Variants in LNX1 observed in about 807,000 individuals in gnomAD.
LNX1 encodes E3 ubiquitin-protein ligase LNX.
LNX1 carries 54 observed loss-of-function variants against 68.4 expected under a neutral mutation model. The observed-to-expected ratio is 0.79, with a 90% CI of 0.63 to 0.99. The LOEUF is 0.99. Ranked by LOEUF, LNX1 falls within the 50% of genes least tolerant of loss-of-function variation. The pLI, the probability that LNX1 is intolerant of heterozygous loss-of-function variation, is 0.00. For missense variants in LNX1, 906 were observed against 926.4 expected, an observed-to-expected ratio of 0.98 and a Z score of 0.29; for synonymous variants, 336 against 350.0, an observed-to-expected ratio of 0.96 and a Z score of 0.45.
At chr4:53,588,311 A>G (rs1234968176) in intron 1 of LNX1, among the ~76,000 whole-genome samples, 1 of 152,198 alleles carries the variant, frequency 6.6e-6, no homozygotes, top group Non-Finnish European at 1.5e-5. Flanking sequence ...CTTCCTTTCA[A>G]TATTTACAAG....
chr4:53,581,660 C>T (rs1241663493), intron 1 of LNX1, among the ~76,000 whole-genome samples: 1 of 152,142 alleles, frequency 6.6e-6, no homozygotes, highest in African/African-American at 2.4e-5. Context: ...TCTCATGAGA[C>T]TTACTCACTA....
chr4:53,531,200 A>G (rs1248027810), intron 2 of LNX1, among the ~76,000 whole-genome samples: 1 of 152,110 alleles, frequency 6.6e-6, no homozygotes, highest in African/African-American at 2.4e-5. Context: ...CCCCCACCCC[A>G]CTACTTTGTC....
rs1244230913 is a variant in LNX1, at chr4:53,615,927, G to C, written c.-215+590C>G. 2.0e-5 allele frequency among the ~76,000 whole-genome samples: 3 copies of C among 152,088 alleles called. No homozygotes were observed. In the East Asian group the frequency reaches 5.8e-4, roughly 29 times the overall value. ...TAAACAATCCAATCATACTATTCTA[G>C]TTATTTTAAAATGTACAATTATTAT... On this transcript the variant is annotated intron_variant, in intron 2 of 3. Coordinates refer to the LNX1 transcript ENST00000504299.
intron 2 of LNX1, among the ~76,000 whole-genome samples, chr4:53,510,683 C>T (rs143139952): frequency 1.3e-5 from 2 of 152,360 alleles, no homozygotes; most frequent in East Asian, 3.9e-4. Flanking sequence ...TTGAATGAAA[C>T]ACTTCCAGGC....
Position 53,496,314 on chromosome 4 carries a change from C to A in LNX1, c.1059G>T (p.Leu353=). ...GGAACTTCTGTTCACGCATCACAGT[C>A]AGCCACAGCACCTGGCAGGGCTGCC... The part of the protein sequence containing the change: ...LLRQPCQVLW[L]TVMREQKFRS... Residue 353 remains leucine, a synonymous_variant, in exon 6 of 11, where the codon CTG becomes CTT. Transcript: ENST00000263925. 1.2e-6 allele frequency: 2 copies of A among 1,614,220 alleles called. No individual in the cohort carries two copies. The highest frequency in any genetic ancestry group is 1.7e-6 in the Non-Finnish European group (2 of 1,180,038).
intron 2 of LNX1, chr4:53,558,234 T>A: frequency 2.4e-6 from 3 of 1,244,200 alleles, no homozygotes; most frequent in Non-Finnish European, 3.0e-6. Context: ...GGCAAGCTGA[T>A]GCCCAGGAAA....
intron 2 of LNX1, among the ~76,000 whole-genome samples, chr4:53,519,711 G>A (rs568870977): frequency 6.6e-6 from 1 of 151,998 alleles, no homozygotes; most frequent in South Asian, 2.1e-4. Context: ...CTTAACAGGC[G>A]TCAGGCTATT....
At chr4:53,537,686 G>A (rs1197918941) in intron 2 of LNX1, among the ~76,000 whole-genome samples, 3 of 152,166 alleles carry the variant, frequency 2.0e-5, no homozygotes, top group Non-Finnish European at 4.4e-5. Context: ...ATGGCCCCGG[G>A]CACCTTCTTT....
Position 53,481,816 on chromosome 4 carries a change from C to A in LNX1, c.1389G>T (p.Gln463His), listed in dbSNP as rs753472263. ...AGATGTCAGGGCTCCGCTGCCGAAC[C>A]TGGCGGGACACGACGAGGTGAACAC... ...ERRVHLVVSR[Q>H]VRQRSPDIFQ... Residue 463 changes from glutamine to histidine, a missense_variant, in exon 7 of 11, where the codon CAG (glutamine) becomes CAT (histidine). By Grantham distance (24) the Gln-to-His change is conservative (BLOSUM62 0). Transcript: ENST00000263925. The A allele has an allele frequency of 5.0e-6, 8 of 1,612,630 alleles. No homozygotes were observed. Among genetic ancestry groups the A allele is most frequent in the African/African-American group, 1.3e-5 (1 of 74,894 alleles).
intron 1 of LNX1, chr4:53,575,783 T>C: frequency 8.3e-6 from 13 of 1,571,634 alleles, no homozygotes; most frequent in Non-Finnish European, 1.1e-5. Flanking sequence ...CGAGTGAGTT[T>C]CTTGGGGGCC....
intron 2 of LNX1, among the ~76,000 whole-genome samples, chr4:53,608,724 C>T (rs571765844): frequency 1.3e-4 from 20 of 152,048 alleles, no homozygotes; most frequent in African/African-American, 4.3e-4. Flanking sequence ...TGCCCATCAA[C>T]GGTAGAATGG....
chr4:53,573,924 G>A lies in LNX1; in HGVS notation c.79C>T (p.His27Tyr). The change falls in exon 2 of 11, where the codon CAC becomes TAC. Residue 27 changes from histidine (H) to tyrosine (Y), a missense_variant. Transcript: ENST00000263925. ...ACTTCCTCTGGATAGCTGTAGAAGTGGTTTTCCTCCAAGGAGTGGGCTTGG... is the reference window on the plus strand; with the variant it reads ...ACTTCCTCTGGATAGCTGTAGAAGTAGTTTTCCTCCAAGGAGTGGGCTTGG... ...CGQAHSLEEN[H>Y]FYSYPEEVDD... 6.2e-7 allele frequency: 1 copy of A among 1,613,714 alleles called. No individual in the cohort carries two copies. Among genetic ancestry groups the A allele is most frequent in the Non-Finnish European group, 8.5e-7 (1 of 1,179,824 alleles).
intron 2 of LNX1, among the ~76,000 whole-genome samples, chr4:53,571,397 G>T (rs1463392435): frequency 6.6e-6 from 1 of 152,050 alleles, no homozygotes; most frequent in Non-Finnish European, 1.5e-5. Context: ...GTTCTTATAG[G>T]AGGGAGGCAG....
At chr4:53,514,144 C>T (rs1282032987) in intron 2 of LNX1, among the ~76,000 whole-genome samples, 4 of 152,178 alleles carry the variant, frequency 2.6e-5, no homozygotes, top group Non-Finnish European at 5.9e-5. Flanking sequence ...TCTGGCACAT[C>T]CTACCCCTGC....
At chr4:53,559,172 C>T (rs1403556028) in intron 2 of LNX1, among the ~76,000 whole-genome samples, 2 of 152,152 alleles carry the variant, frequency 1.3e-5, no homozygotes, top group African/African-American at 4.8e-5. Flanking sequence ...AGACGAGTTG[C>T]AATGAACTGC....
chr4:53,495,826 G>A (rs1355226598), intron 6 of LNX1, among the ~76,000 whole-genome samples, 197 bp downstream of exon 6: 1 of 152,198 alleles, frequency 6.6e-6, no homozygotes, highest in Admixed American at 6.5e-5. Flanking sequence ...TTACAGGCAT[G>A]GGCCACCACG....
chr4:53,552,168 G>C (rs763488982), intron 2 of LNX1, among the ~76,000 whole-genome samples: 16 of 152,146 alleles, frequency 1.1e-4, no homozygotes, highest in Non-Finnish European at 2.4e-4. Context: ...GCAGCTAGTG[G>C]CACCAGTTTC....
At chr4:53,601,106 G>GT (rs1732994725) in intron 2 of LNX1, among the ~76,000 whole-genome samples, 2 of 144,664 alleles carry the variant, frequency 1.4e-5, no homozygotes, top group African/African-American at 2.5e-5. Context: ...AGGGAGGGAG[G>GT]GGGGGAGGGA....
At chr4:53,589,341 C>T (rs913008415) in intron 1 of LNX1, among the ~76,000 whole-genome samples, 3 of 152,204 alleles carry the variant, frequency 2.0e-5, no homozygotes, top group African/African-American at 7.2e-5. Flanking sequence ...ATTCTCCTGC[C>T]TGTTTTCTTT....
Sources: allele counts gnomAD v4.1 joint callset (sites outside exome capture counted in the v4.1 genomes callset), GRCh38; gene constraint gnomAD v4.1.1; transcripts MANE v1.5; gene names NCBI Gene and HGNC (gene_info 2026-07-23, HGNC 2026-07-21).